DNAJC15: variants seen among roughly 807,000 people sequenced by gnomAD.
DNAJC15 encodes the protein DnaJ heat shock protein family (Hsp40) member C15.
Under a neutral mutation model 22.4 loss-of-function variants are expected in DNAJC15, and 27 were observed. The observed-to-expected ratio is 1.20, with a 90% CI of 0.89 to 1.66. The LOEUF (loss-of-function observed/expected upper bound fraction) is 1.66, where lower values mean the gene tolerates loss of function less well. Among genes scored for constraint, DNAJC15 ranks in the 40% most tolerant of loss-of-function variants. The pLI is 0.00. For missense variants in DNAJC15, 208 were observed against 187.1 expected, an observed-to-expected ratio of 1.11 and a Z score of -0.65; for synonymous variants, 79 against 63.2, an observed-to-expected ratio of 1.25 and a Z score of -1.19.
At chr13:43,054,377 TATGTC>T (rs889859036) in intron 1 of DNAJC15, among the ~76,000 whole-genome samples, 1 of 152,172 alleles carries the variant, frequency 6.6e-6, no homozygotes, top group Admixed American at 6.5e-5. Flanking sequence ...TTGTTGTTGT[TATGTC>T]ATTTCCTGGT....
intron 1 of DNAJC15, among the ~76,000 whole-genome samples, chr13:43,056,286 G>GCAC (rs1051943109): frequency 1.3e-5 from 2 of 151,894 alleles, no homozygotes; most frequent in South Asian, 2.1e-4. Context: ...CTACAGGCAT[G>GCAC]CACCACCACG....
intron 1 of DNAJC15, among the ~76,000 whole-genome samples, chr13:43,046,023 A>G (rs2040475614): frequency 6.6e-6 from 1 of 152,244 alleles, no homozygotes; most frequent in African/African-American, 2.4e-5. Flanking sequence ...TGAACCAGTC[A>G]GAGATGGGAA....
chr13:43,074,222 CTAT>C (rs2040622179), intron 3 of DNAJC15, among the ~76,000 whole-genome samples: 1 of 152,070 alleles, frequency 6.6e-6, no homozygotes, highest in African/African-American at 2.4e-5. Flanking sequence ...GTGTTTCAGG[CTAT>C]TGAGTGAATG....
At chr13:43,034,506 G>T (rs892806778) in intron 1 of DNAJC15, among the ~76,000 whole-genome samples, 3 of 147,426 alleles carry the variant, frequency 2.0e-5, no homozygotes, top group Non-Finnish European at 3.0e-5. Flanking sequence ...TAGTAGAGAC[G>T]GGGTTTCCCC....
At chr13:43,088,569 G>T (rs144980980) in intron 5 of DNAJC15, among the ~76,000 whole-genome samples, 246 of 152,260 alleles carry the variant, frequency 1.6e-3, no homozygotes, top group African/African-American at 5.5e-3. Flanking sequence ...CAGTAAACAC[G>T]CAGTATTCTC....
At chr13:43,047,942 T>TA (rs1390859492) in intron 1 of DNAJC15, among the ~76,000 whole-genome samples, 1 of 152,158 alleles carries the variant, frequency 6.6e-6, no homozygotes, top group Non-Finnish European at 1.5e-5. Context: ...AGTGAGAACA[T>TA]AAGATTTTTC....
intron 5 of DNAJC15, among the ~76,000 whole-genome samples, chr13:43,090,870 G>A (rs2040711521): frequency 6.6e-6 from 1 of 151,614 alleles, no homozygotes; most frequent in Non-Finnish European, 1.5e-5. Context: ...ACCACACCTG[G>A]CTAATTTTTT....
At position 43,080,145 on chromosome 13, in the gene DNAJC15, G is replaced by C. The variant is rs1011333018; in HGVS notation, c.311+1457G>C. On this transcript the variant is annotated intron_variant, in intron 4 of 5. Transcript: ENST00000379221. The stretch of plus-strand genomic sequence containing the variant: ...TATAAAGATAAACTTGTGTCACAGG[G>C]GTTTGTTGTATAGATTATTTTGTCA... Among the ~76,000 whole-genome samples, 4 of 151,978 alleles carry C rather than the reference G, an allele frequency of 2.6e-5. No individual in the cohort carries two copies. The South Asian group carries it at 8.3e-4, about 32-fold the overall frequency.
chr13:43,096,668 T>C (rs1318310229), intron 5 of DNAJC15, among the ~76,000 whole-genome samples: 1 of 152,204 alleles, frequency 6.6e-6, no homozygotes, highest in Non-Finnish European at 1.5e-5. Flanking sequence ...AGATAGGTAA[T>C]TGGTAGTTTA....
Position 43,085,374 on chromosome 13 carries a change from G to C in DNAJC15, c.312-394G>C, listed in dbSNP as rs1017503768. On this transcript the variant is annotated intron_variant, in intron 4 of 5. Coordinates refer to ENST00000379221, the MANE Select transcript of DNAJC15 (RefSeq NM_013238.3). ...AGACTCCTCCTTCTTGGGGGGTGGG[G>C]GGGGAAAGTCCAGCAGTATGCCTCT... Among the ~76,000 whole-genome samples, 7 of 150,652 alleles carry C rather than the reference G, an allele frequency of 4.6e-5. No individual in the cohort carries two copies. In the East Asian group the frequency reaches 1.4e-3, roughly 30 times the overall value.
chr13:43,090,464 C>A (rs1301817042), intron 5 of DNAJC15, among the ~76,000 whole-genome samples: 3 of 151,760 alleles, frequency 2.0e-5, no homozygotes, highest in African/African-American at 7.3e-5. Context: ...TTTAACAAAC[C>A]TAAATATGAA....
chr13:43,072,017 T>C (rs2040611559), intron 3 of DNAJC15, among the ~76,000 whole-genome samples: 2 of 152,228 alleles, frequency 1.3e-5, no homozygotes, highest in South Asian at 4.1e-4. Context: ...TAGAGAAGTA[T>C]AGAAATCTCT....
intron 5 of DNAJC15, among the ~76,000 whole-genome samples, chr13:43,095,931 TGAGGAA>T (rs542919175): frequency 1.4e-3 from 208 of 152,208 alleles, no homozygotes; most frequent in South Asian, 3.3e-3. Context: ...AGAAGTTTTG[TGAGGAA>T]GAGGAGGAGA....
intron 5 of DNAJC15, among the ~76,000 whole-genome samples, chr13:43,100,090 G>A (rs991921680): frequency 8.6e-5 from 13 of 151,472 alleles, no homozygotes; most frequent in African/African-American, 2.9e-4. Flanking sequence ...GTCAGTATCA[G>A]TAGTTTGTAT....
At position 43,107,290 on chromosome 13, in the gene DNAJC15, CG is replaced by C. The variant is rs67714115; in HGVS notation, c.*43del. 104,286 of 1,046,946 alleles carry C rather than the reference CG, an allele frequency of 0.1. 430 individuals carry two copies. The highest frequency in any genetic ancestry group is 0.22 in the South Asian group (10,944 of 49,980). The allele number at this position is 1,046,946 out of a possible 1,614,324, so 64.9% of individuals were successfully genotyped here. A position where few individuals can be genotyped will look rare whatever the true frequency, so the allele number is the denominator to read the frequency against. ...TGAAGGAAAAAAAAAGAGGGGACTT[CG>C]AAAAAAAAAAAAGCCCTGCAAAATA... On this transcript the variant is annotated 3_prime_UTR_variant, in exon 6 of 6. Coordinates refer to ENST00000379221, the MANE Select transcript of DNAJC15 (RefSeq NM_013238.3).
intron 3 of DNAJC15, 31 bp downstream of exon 3, chr13:43,069,034 T>C (rs1329965345): frequency 1.3e-6 from 2 of 1,590,370 alleles, no homozygotes; most frequent in South Asian, 1.1e-5. Flanking sequence ...GTTAGAAGAC[T>C]CATTTTGATT....
chr13:43,074,930 A>T (rs966164530), intron 3 of DNAJC15, among the ~76,000 whole-genome samples: 1 of 152,158 alleles, frequency 6.6e-6, no homozygotes, highest in African/African-American at 2.4e-5. Flanking sequence ...TATTCATGGG[A>T]TGCAAAACTC....
In DNAJC15 at chr13:43,106,053, A is replaced by G. The variant is rs532390540; in HGVS notation, c.383-1125A>G. On this transcript the variant is annotated intron_variant, in intron 5 of 5. Transcript: ENST00000379221. ...GCATTACCCCTTCTACCACAACACCATGTTTGTTGATCTATTTTCTTTGCT... is the reference window on the plus strand; with the variant it reads ...GCATTACCCCTTCTACCACAACACCGTGTTTGTTGATCTATTTTCTTTGCT... 1.4e-3 allele frequency among the ~76,000 whole-genome samples: 220 copies of G among 152,232 alleles called. 1 individual carries two copies. Among genetic ancestry groups the G allele is most frequent in the Non-Finnish European group, 2.7e-3 (181 of 67,982 alleles).
intron 5 of DNAJC15, among the ~76,000 whole-genome samples, chr13:43,094,036 T>C (rs1283073979): frequency 6.6e-6 from 1 of 152,248 alleles, no homozygotes; most frequent in Non-Finnish European, 1.5e-5. Context: ...TATTCATCTT[T>C]TCAAATAATT....
Sources: gnomAD v4.1 joint callset for allele counts (sites outside exome capture counted in the v4.1 genomes callset) on GRCh38, gnomAD v4.1.1 for gene constraint, MANE v1.5 for transcripts, NCBI Gene and HGNC (gene_info 2026-07-23, HGNC 2026-07-21) for gene names.